Variants in KCNH1 observed in about 807,000 individuals in gnomAD.
KCNH1 encodes voltage-gated delayed rectifier potassium channel KCNH1.
In KCNH1, 27 loss-of-function variants were observed where a neutral mutation model predicts 69.2. The observed-to-expected ratio is 0.39, with a 90% CI of 0.29 to 0.54. The LOEUF (loss-of-function observed/expected upper bound fraction) is 0.54. KCNH1 is among the 20% of genes least tolerant of loss of function. The probability of loss-of-function intolerance (pLI) is 0.68; values close to 1 mark genes in which losing one functional copy is unlikely to be tolerated. For synonymous variants in KCNH1, 456 were observed against 487.7 expected, an observed-to-expected ratio of 0.93 and a Z score of 0.86; for missense variants, 798 against 1,261.6, an observed-to-expected ratio of 0.63 and a Z score of 5.57.
At chr1:211,021,064 A>C (rs1689579551) in intron 5 of KCNH1, among the ~76,000 whole-genome samples, 1 of 152,162 alleles carries the variant, frequency 6.6e-6, no homozygotes, top group Non-Finnish European at 1.5e-5. Context: ...ATGGAAAACC[A>C]AACATTGTAT....
intron 10 of KCNH1, among the ~76,000 whole-genome samples, chr1:210,701,936 A>G (rs1386149818): frequency 6.6e-6 from 1 of 152,142 alleles, no homozygotes; most frequent in East Asian, 1.9e-4. Context: ...AGGAAAAAAC[A>G]TGCCCCAAAA....
chr1:210,910,824 T>C (rs1212518970), intron 7 of KCNH1, among the ~76,000 whole-genome samples: 1 of 152,266 alleles, frequency 6.6e-6, no homozygotes, highest in Non-Finnish European at 1.5e-5. Flanking sequence ...AATACTGTTA[T>C]TACTTACCTA....
chr1:211,081,150 G>C (rs934757777), intron 5 of KCNH1, among the ~76,000 whole-genome samples: 1 of 152,054 alleles, frequency 6.6e-6, no homozygotes, highest in African/African-American at 2.4e-5. Flanking sequence ...ATCAAAAAGT[G>C]GGCAAAAGAT....
At chr1:210,735,751 C>A (rs1039080332) in intron 10 of KCNH1, among the ~76,000 whole-genome samples, 15 of 151,806 alleles carry the variant, frequency 9.9e-5, no homozygotes, top group Admixed American at 9.8e-4. Flanking sequence ...GGATACTATA[C>A]CCTGTCCCTA....
rs188815957 is a variant in KCNH1 at position 210,895,829 on chromosome 1, G to A, written c.1462+23811C>T. Among the ~76,000 whole-genome samples the A allele has an allele frequency of 2.0e-5, 3 of 152,154 alleles. No homozygotes were observed. The East Asian group carries it at 5.8e-4, about 29-fold the overall frequency. On this transcript the variant is annotated intron_variant, in intron 7 of 10. Transcript: ENST00000271751. ...TTGGCAGGACTGTCTCTCTGCTTTT[G>A]CTTTTCCAACAACGCCATATCACAT... is the stretch of plus-strand genomic sequence containing the variant.
intron 6 of KCNH1, among the ~76,000 whole-genome samples, chr1:211,018,215 A>C (rs1436371437): frequency 6.6e-6 from 1 of 152,200 alleles, no homozygotes; most frequent in Non-Finnish European, 1.5e-5. Context: ...AATGGACTAA[A>C]ACAGCAGTAT....
At chr1:210,882,648 T>C (rs1448772774) in intron 7 of KCNH1, among the ~76,000 whole-genome samples, 3 of 152,164 alleles carry the variant, frequency 2.0e-5, no homozygotes, top group Non-Finnish European at 2.9e-5. Flanking sequence ...GAGTCAGAGA[T>C]GCTTTTGGTG....
intron 7 of KCNH1, among the ~76,000 whole-genome samples, chr1:210,915,521 C>G (rs1687317115): frequency 8.4e-6 from 1 of 118,866 alleles, no homozygotes; most frequent in African/African-American, 3.2e-5. Context: ...CTGCCGGAGA[C>G]TACCACAGAT....
rs12742267 is a variant in KCNH1, at chr1:210,693,541, G to A, written c.2113-9403C>T. ...GATGGCCCAGGGAAGCAGAGGAGTGGACAGATAAAACACAACATGGCCCAC... is the reference window on the plus strand; with the variant it reads ...GATGGCCCAGGGAAGCAGAGGAGTGAACAGATAAAACACAACATGGCCCAC... On this transcript the variant is annotated intron_variant, in intron 10 of 10. Transcript: ENST00000271751. 1.1e-3 allele frequency among the ~76,000 whole-genome samples: 165 copies of A among 152,254 alleles called. 1 individual carries two copies. Among genetic ancestry groups the A allele is most frequent in the Non-Finnish European group, 2.0e-3 (139 of 68,010 alleles).
chr1:210,810,774 C>G (rs12134429), intron 7 of KCNH1, among the ~76,000 whole-genome samples: 20,318 of 152,102 alleles, frequency 0.13, 1,371 homozygotes, highest in Non-Finnish European at 0.15. Context: ...CTTCTCTTTG[C>G]TTAGTCTTTG....
At chr1:210,991,492 C>T (rs1032431606) in intron 6 of KCNH1, among the ~76,000 whole-genome samples, 8 of 152,014 alleles carry the variant, frequency 5.3e-5, no homozygotes, top group East Asian at 1.9e-4. Context: ...TCAAAGGGTA[C>T]AAAGTTTCAG....
intron 6 of KCNH1, among the ~76,000 whole-genome samples, chr1:210,942,738 G>T (rs193223728): frequency 7.2e-5 from 11 of 151,730 alleles, no homozygotes; most frequent in Non-Finnish European, 1.5e-4. Context: ...ACCCATAGGG[G>T]AGCAAAGGTC....
intron 7 of KCNH1, among the ~76,000 whole-genome samples, chr1:210,868,287 A>T (rs904007536): frequency 2.0e-5 from 3 of 151,946 alleles, no homozygotes; most frequent in African/African-American, 7.2e-5. Flanking sequence ...CTATTTAAAA[A>T]ATTTATTTTT....
At chr1:210,781,901 TCTC>T (rs1328345184) in intron 9 of KCNH1, among the ~76,000 whole-genome samples, 19 of 152,188 alleles carry the variant, frequency 1.2e-4, no homozygotes, top group Non-Finnish European at 2.6e-4. Context: ...CTGCTGGACT[TCTC>T]CTCCTACTCC....
chr1:210,848,136 C>T (rs1356743489), intron 7 of KCNH1, among the ~76,000 whole-genome samples: 2 of 152,144 alleles, frequency 1.3e-5, no homozygotes, highest in African/African-American at 4.8e-5. Context: ...AATCTTAATA[C>T]CTTCTAGATA....
In KCNH1 at chr1:210,975,751, G is replaced by A. The variant is rs888739530; in HGVS notation, c.1032+43032C>T. On this transcript the variant is annotated intron_variant, in intron 6 of 10. Transcript: ENST00000271751. ...CAACAAAAGCCAAAATTGACAAATG[G>A]GATCTAATTAAACTAAAGAGCTTCT... Among the ~76,000 whole-genome samples the A allele has an allele frequency of 5.9e-5, 9 of 152,218 alleles. No homozygotes were observed. The East Asian group carries it at 1.7e-3, about 29-fold the overall frequency.
At chr1:211,012,621 G>A (rs1170942173) in intron 6 of KCNH1, among the ~76,000 whole-genome samples, 1 of 152,164 alleles carries the variant, frequency 6.6e-6, no homozygotes, top group Non-Finnish European at 1.5e-5. Context: ...AGGAATTGGG[G>A]TAGGGGGATG....
chr1:211,095,537 A>G (rs1348339631), intron 3 of KCNH1, among the ~76,000 whole-genome samples: 1 of 152,240 alleles, frequency 6.6e-6, no homozygotes, highest in East Asian at 1.9e-4. Flanking sequence ...TGGCAGCCAG[A>G]TAACAAAACA....
At chr1:211,087,537 C>CA (rs1350001475) in intron 4 of KCNH1, among the ~76,000 whole-genome samples, 20 of 151,850 alleles carry the variant, frequency 1.3e-4, no homozygotes, top group Admixed American at 3.3e-4. Flanking sequence ...CAAATGAAAT[C>CA]ACTGGAGCAT....
Sources: allele counts gnomAD v4.1 joint callset (sites outside exome capture counted in the v4.1 genomes callset), GRCh38; gene constraint gnomAD v4.1.1; transcripts MANE v1.5; gene names NCBI Gene and HGNC (gene_info 2026-07-23, HGNC 2026-07-21).